The following CLINT1 variants were observed in gnomAD, a reference collection of about 807,000 sequenced individuals.
The protein encoded by CLINT1 is clathrin interacting protein localized in the trans-Golgi region.
In CLINT1, 15 loss-of-function variants were observed where a neutral mutation model predicts 70.4. The observed-to-expected ratio is 0.21, with a 90% confidence interval of 0.14 to 0.33. The LOEUF is 0.33. Among genes scored for constraint, CLINT1 ranks in the 10% least tolerant of loss-of-function variants. The pLI, the probability that CLINT1 is intolerant of heterozygous loss-of-function variation, is 1.00. For synonymous variants in CLINT1, 227 were observed against 254.7 expected (o/e 0.89, Z 1.04); for missense variants, 615 against 778.1 (o/e 0.79, Z 2.49).
chr5:157,789,214 T>C lies in CLINT1; in HGVS notation c.1531+149A>G, dbSNP rs1400048570. ...TGTGCCAGGAGGAATACCCAGTAAA[T>C]ATTATGTGAAAATATCTTAAGTGAA... On this transcript the variant is annotated intron_variant, in intron 11 of 11. Transcript: ENST00000411809. The C allele has an allele frequency of 1.3e-5, 9 of 697,816 alleles. No individual in the cohort carries two copies. The East Asian group carries it at 2.1e-4, about 16-fold the overall frequency. The allele number at this position is 697,816 out of a possible 1,614,324, so 43.2% of individuals were successfully genotyped here. A position where few individuals can be genotyped will look rare whatever the true frequency, so the allele number is the denominator to read the frequency against.
At position 157,817,692 on chromosome 5, in the gene CLINT1, C is replaced by T. The variant is rs1248450475; in HGVS notation, c.42-145G>A. On this transcript the variant is annotated intron_variant, in intron 1 of 11. Transcript: ENST00000411809. ...AGAGAAAACATCTTTTGTGCACAAG[C>T]TACCCCAAGGACACTATGTAACACA... is the stretch of plus-strand genomic sequence containing the variant. The T allele has an allele frequency of 7.3e-5, 42 of 571,678 alleles. No homozygotes were observed. The East Asian group carries it at 1.2e-3, about 16-fold the overall frequency. The allele number at this position is 571,678 out of a possible 1,614,324, so 35.4% of individuals were successfully genotyped here.
intron 1 of CLINT1, among the ~76,000 whole-genome samples, chr5:157,833,177 CCT>C (rs1355594447): frequency 6.6e-6 from 1 of 151,910 alleles, no homozygotes; most frequent in Non-Finnish European, 1.5e-5. Flanking sequence ...ACGGTGAAAC[CCT>C]GTCTCTACTA....
intron 1 of CLINT1, 136 bp downstream of exon 1, chr5:157,858,794 G>A: frequency 1.1e-6 from 1 of 921,858 alleles, no homozygotes; most frequent in Non-Finnish European, 1.6e-6. Flanking sequence ...GGCCGGGAAG[G>A]AGCGGGCCGC....
chr5:157,787,196 A>G lies in CLINT1; in HGVS notation c.*450T>C, dbSNP rs1761750941. On this transcript the variant is annotated 3_prime_UTR_variant, in exon 12 of 12. Transcript: ENST00000411809. ...AAAAACTGATCATCCAACTTTAATGATTTCATATATGGACTCAAGAGTGGT... is the reference window on the plus strand; with the variant it reads ...AAAAACTGATCATCCAACTTTAATGGTTTCATATATGGACTCAAGAGTGGT... The G allele has an allele frequency of 6.5e-6, 1 of 154,564 alleles. No individual in the cohort carries two copies. Among genetic ancestry groups the G allele is most frequent in the African/African-American group, 2.4e-5 (1 of 41,424 alleles). 9.6% of individuals were successfully genotyped at this position (154,564 alleles called of 1,614,324 possible).
At chr5:157,789,539 T>C in intron 10 of CLINT1, 26 bp from the exon 11 acceptor site, 2 of 1,613,980 alleles carry the variant, frequency 1.2e-6, no homozygotes, top group Non-Finnish European at 1.7e-6. Context: ...ATTAGGCTTC[T>C]GCAGCACTGT....
chr5:157,803,277 T>C, intron 8 of CLINT1, among the ~76,000 whole-genome samples: 1 of 152,228 alleles, frequency 6.6e-6, no homozygotes, highest in East Asian at 1.9e-4. Context: ...AAGTACATGA[T>C]GCCTTGAAAT....
At chr5:157,825,540 T>C (rs1233868574) in intron 1 of CLINT1, among the ~76,000 whole-genome samples, 2 of 152,166 alleles carry the variant, frequency 1.3e-5, no homozygotes, top group Non-Finnish European at 2.9e-5. Flanking sequence ...AGTTAGTTAC[T>C]ATAACTGAGA....
chr5:157,855,981 T>C (rs1753746632), intron 1 of CLINT1, among the ~76,000 whole-genome samples: 1 of 151,988 alleles, frequency 6.6e-6, no homozygotes, highest in East Asian at 1.9e-4. Context: ...GCCGCTACCA[T>C]ACTGAATCTA....
chr5:157,853,145 C>T (rs1377080068), intron 1 of CLINT1, among the ~76,000 whole-genome samples: 2 of 151,896 alleles, frequency 1.3e-5, no homozygotes, highest in Non-Finnish European at 2.9e-5. Context: ...GTCAGGAGTT[C>T]GAGACCAGCC....
intron 5 of CLINT1, among the ~76,000 whole-genome samples, chr5:157,811,679 G>A (rs771107726): frequency 6.6e-6 from 1 of 152,168 alleles, no homozygotes; most frequent in Non-Finnish European, 1.5e-5. Context: ...TAATACAGAT[G>A]CTGCAGTTAG....
At chr5:157,806,345 CA>C (rs1561645341) in intron 6 of CLINT1, among the ~76,000 whole-genome samples, 1 of 151,750 alleles carries the variant, frequency 6.6e-6, no homozygotes, top group South Asian at 2.1e-4. Flanking sequence ...AATACTGCTA[CA>C]AAAAAGTATT....
At position 157,787,899 on chromosome 5, in the gene CLINT1, T is replaced by C. The variant is rs753045326; in HGVS notation, c.1625A>G (p.Asn542Ser). 5.0e-6 allele frequency: 8 copies of C among 1,613,622 alleles called. No homozygotes were observed. Among genetic ancestry groups the C allele is most frequent in the Non-Finnish European group, 6.8e-6 (8 of 1,179,776 alleles). ...SNMLPVRPQT[N>S]ALIGGPMPMS... ...AGGCATGGGTCCCCCTATCAAAGCATTAGTTTGGGGCCGGACAGGAAGCAT... is the reference window on the plus strand; with the variant it reads ...AGGCATGGGTCCCCCTATCAAAGCACTAGTTTGGGGCCGGACAGGAAGCAT... The change falls in exon 12 of 12, where the codon AAT (asparagine) becomes AGT (serine). Residue 542 changes from asparagine to serine, a missense_variant. Transcript: ENST00000411809.
chr5:157,832,147 G>C (rs539794980), intron 1 of CLINT1, among the ~76,000 whole-genome samples: 1 of 151,464 alleles, frequency 6.6e-6, no homozygotes, highest in African/African-American at 2.4e-5. Flanking sequence ...GCTGCCACGC[G>C]AATTTTTGTA....
rs1328450872 is a variant in CLINT1 at position 157,833,870 on chromosome 5, A to AG, written c.42-16324dup. Reference sequence around the variant, plus strand: ...GTGGGAGGATCACTTGAACACAAGGAGGTCAAGGCTGCAGTGGGCCGTGAT... The same window carrying AG: ...GTGGGAGGATCACTTGAACACAAGGAGGGTCAAGGCTGCAGTGGGCCGTGAT... On this transcript the variant is annotated intron_variant, in intron 1 of 11. Coordinates refer to ENST00000411809, the MANE Select transcript of CLINT1 (RefSeq NM_014666.4). Among the ~76,000 whole-genome samples, 6 of 151,648 alleles carry AG rather than the reference A, an allele frequency of 4.0e-5. No individual in the cohort carries two copies. In the East Asian group the frequency reaches 1.2e-3, roughly 30 times the overall value.
intron 1 of CLINT1, among the ~76,000 whole-genome samples, chr5:157,823,912 A>G (rs889325132): frequency 6.6e-6 from 1 of 152,036 alleles, no homozygotes; most frequent in African/African-American, 2.4e-5. Flanking sequence ...CCTGTTGTGA[A>G]CTGTGCATGT....
At chr5:157,841,590 T>G (rs1753180567) in intron 1 of CLINT1, among the ~76,000 whole-genome samples, 1 of 151,762 alleles carries the variant, frequency 6.6e-6, no homozygotes, top group Admixed American at 6.6e-5. Flanking sequence ...AAGAAAAGGA[T>G]TGGTTGGTAT....
chr5:157,808,062 T>A (rs1355223295), intron 6 of CLINT1, among the ~76,000 whole-genome samples: 1 of 152,138 alleles, frequency 6.6e-6, no homozygotes, highest in Non-Finnish European at 1.5e-5. Flanking sequence ...TATATCTAGC[T>A]TTTTTATACT....
chr5:157,795,606 G>A (rs1187885789), intron 8 of CLINT1: 1 of 151,686 alleles, frequency 6.6e-6, no homozygotes, highest in Non-Finnish European at 1.5e-5. Context: ...TGATACAGAT[G>A]AACAAACAGT....
At chr5:157,830,786 CTCTCTCTCTCTA>C (rs1382485474) in intron 1 of CLINT1, among the ~76,000 whole-genome samples, 16 of 132,492 alleles carry the variant, frequency 1.2e-4, no homozygotes, top group South Asian at 5.2e-4. Flanking sequence ...CTCTCTCTCT[CTCTCTCTCTCTA>C]TATATATATA....
Sources: gnomAD v4.1 joint callset for allele counts (sites outside exome capture counted in the v4.1 genomes callset) on GRCh38, gnomAD v4.1.1 for gene constraint, MANE v1.5 for transcripts, NCBI Gene and HGNC (gene_info 2026-07-23, HGNC 2026-07-21) for gene names.